TTN: variants seen among roughly 807,000 people sequenced by gnomAD.
TTN encodes connectin.
Under a neutral mutation model 3,223.0 loss-of-function variants are expected in TTN, and 1,525 were observed. The ratio of observed to expected loss-of-function variants is 0.47; its 90% confidence interval spans 0.45 to 0.49. The LOEUF (loss-of-function observed/expected upper bound fraction) is 0.49. TTN is among the 20% of genes least tolerant of loss of function. The pLI is 0.00. For synonymous variants in TTN, 14,094 were observed against 15,161.0 expected (o/e 0.93, Z 5.17); for missense variants, 40,786 against 43,424.0 (o/e 0.94, Z 5.40).
chr2:178,566,993 A>G lies in TTN; in HGVS notation c.79139T>C (p.Met26380Thr). ...TCCAGGAAGCACAAATGGATTTTTC[A>G]TTAGTACTGGTGCAGATTCCAAAGG... ...GEPLESAPVL[M>T]KNPFVLPGPP... Residue 26380 changes from methionine to threonine, a missense_variant, in exon 326 of 363, where the codon ATG becomes ACG. Physicochemically the swap from Met to Thr is moderately conservative, Grantham distance 81. Transcript: ENST00000589042. 1 of 1,613,610 alleles carries G rather than the reference A, an allele frequency of 6.2e-7. No individual in the cohort carries two copies. The highest frequency in any genetic ancestry group is 8.5e-7 in the Non-Finnish European group (1 of 1,179,654).
intron 46 of TTN, among the ~76,000 whole-genome samples, chr2:178,754,769 C>T (rs530659891): frequency 1.6e-4 from 25 of 152,300 alleles, no homozygotes; most frequent in Admixed American, 8.5e-4. Flanking sequence ...AACTAGACCT[C>T]AGTTCTTGAG....
intron 330 of TTN, 32 bp from the exon 331 acceptor site, chr2:178,555,184 ATAT>A: frequency 1.9e-6 from 3 of 1,582,622 alleles, no homozygotes; most frequent in South Asian, 2.4e-5. Flanking sequence ...AATATTTAAA[ATAT>A]TATAAGGATG....
In TTN at chr2:178,611,445, C is replaced by T. The variant is rs746259990; in HGVS notation, c.50784G>A (p.Val16928=). The T allele has an allele frequency of 1.2e-6, 2 of 1,612,906 alleles. No individual in the cohort carries two copies. The highest frequency in any genetic ancestry group is 8.5e-7 in the Non-Finnish European group (1 of 1,179,296). Residue 16928 remains valine, a synonymous_variant, in exon 269 of 363, where the codon GTG becomes GTA. Coordinates refer to ENST00000589042, the MANE Select transcript of TTN (RefSeq NM_001267550.2). ...TGACACCAATAGCATTGACTGCTCTCACTCTCAGGACATATTCTTTGTCAG... is the reference window on the plus strand; with the variant it reads ...TGACACCAATAGCATTGACTGCTCTTACTCTCAGGACATATTCTTTGTCAG... ...VVPDKEYVLR[V]RAVNAIGVSE... is the part of the protein sequence containing the mutation.
At chr2:178,684,610 G>T in intron 131 of TTN, 56 bp downstream of exon 131, 1 of 1,543,798 alleles carries the variant, frequency 6.5e-7, no homozygotes, top group South Asian at 1.2e-5. Flanking sequence ...CAGCAGCAGA[G>T]AGAAAGAAAG....
intron 218 of TTN, 100 bp from the exon 219 acceptor site, chr2:178,642,417 T>G (rs1365418268): frequency 1.0e-6 from 1 of 987,396 alleles, no homozygotes; most frequent in East Asian, 2.7e-5. Context: ...TGTAGTGCAT[T>G]AAGTAACAAT....
rs1360957975 is a variant in TTN, at chr2:178,641,302, T to C, written c.40572A>G (p.Arg13524=). 1.3e-5 allele frequency: 20 copies of C among 1,500,014 alleles called. No individual in the cohort carries two copies. The highest frequency in any genetic ancestry group is 1.8e-5 in the Non-Finnish European group (20 of 1,123,158). The allele number at this position is 1,500,014 out of a possible 1,614,324, so 92.9% of individuals were successfully genotyped here. ...EVVLKSVLRK[R]PEEEEPKVEP... is the part of the protein sequence containing the mutation. Reference sequence around the variant, plus strand: ...CTACTTTAGGTTCTTCTTCTTCAGGTCTTTTTCTTAGAACTTTAAAGACAA... The same window carrying C: ...CTACTTTAGGTTCTTCTTCTTCAGGCCTTTTTCTTAGAACTTTAAAGACAA... Residue 13524 remains arginine (R), a synonymous_variant, in exon 220 of 363, where the codon AGA becomes AGG. Transcript: ENST00000589042.
chr2:178,539,201 T>G lies in TTN; in HGVS notation c.98734A>C (p.Ser32912Arg). Residue 32912 changes from serine (S) to arginine (R), a missense_variant, in exon 353 of 363, where the codon AGT becomes CGT. Ser to Arg is a moderately radical substitution (Grantham distance 110, BLOSUM62 -1). Coordinates refer to ENST00000589042, the MANE Select transcript of TTN (RefSeq NM_001267550.2). ...CGGGACCAGGACAAGCTAACAGAAC[T>G]CTTGGTTACATCGAGTACTTCTGGA... Reference protein sequence around the residue: ...NPPEVLDVTKSSVSLSWSRPK... With the variant: ...NPPEVLDVTKRSVSLSWSRPK... 6.2e-7 allele frequency: 1 copy of G among 1,613,794 alleles called. No homozygotes were observed. The highest frequency in any genetic ancestry group is 1.1e-5 in the South Asian group (1 of 91,070).
At chr2:178,579,464 C>G in intron 319 of TTN, 71 bp from the exon 320 acceptor site, 1 of 1,568,748 alleles carries the variant, frequency 6.4e-7, no homozygotes, top group African/African-American at 1.4e-5. Flanking sequence ...ATAGTTCTAG[C>G]TTTTAACGGA....
At chr2:178,747,431 G>A (rs1236164406) in intron 47 of TTN, 1 of 1,613,204 alleles carries the variant, frequency 6.2e-7, no homozygotes, top group Non-Finnish European at 8.5e-7. Flanking sequence ...AGATGATGGT[G>A]GGGTATAAAA....
At chr2:178,789,607 T>A (rs1260227154) in intron 12 of TTN, 110 bp from the exon 13 acceptor site, 3 of 1,396,088 alleles carry the variant, frequency 2.1e-6, no homozygotes, top group African/African-American at 1.4e-5. Context: ...CAGGGTTAAA[T>A]ACACAAGAGA....
Position 178,667,338 on chromosome 2 carries a change from G to A in TTN, c.35714-19C>T. ...TCAGGTTCTTTAAAGATATTAGTAG[G>A]TTTACATTTAAAAGTTGTAAAAACA... On this transcript the variant is annotated intron_variant, in intron 161 of 362. Transcript: ENST00000589042. The A allele has an allele frequency of 6.3e-7, 1 of 1,585,166 alleles. No individual in the cohort carries two copies.
In TTN at chr2:178,584,262, A is replaced by C. The variant is rs1291102348; in HGVS notation, c.65275+14T>G. On this transcript the variant is annotated intron_variant, in intron 311 of 362. Coordinates refer to ENST00000589042, the MANE Select transcript of TTN (RefSeq NM_001267550.2). ...CTAAAACAACAACAACAATAAAAAA[A>C]CCCCAAAACTTACCAACTGGCATTC... 2.0e-6 allele frequency: 3 copies of C among 1,532,868 alleles called. No individual in the cohort carries two copies. The highest frequency in any genetic ancestry group is 2.6e-6 in the Non-Finnish European group (3 of 1,143,572). The allele number at this position is 1,532,868 out of a possible 1,614,324, so 95.0% of individuals were successfully genotyped here. A position where few individuals can be genotyped will look rare whatever the true frequency, so the allele number is the denominator to read the frequency against.
Position 178,739,404 on chromosome 2 carries a change from G to A in TTN, c.13829C>T (p.Thr4610Ile). The A allele has an allele frequency of 1.2e-6, 2 of 1,613,864 alleles. No individual in the cohort carries two copies. The highest frequency in any genetic ancestry group is 2.2e-5 in the East Asian group (1 of 44,856). The change falls in exon 48 of 363, where the codon ACA becomes ATA. Residue 4610 changes from threonine to isoleucine, a missense_variant. Coordinates refer to ENST00000589042, the MANE Select transcript of TTN (RefSeq NM_001267550.2). The part of the protein sequence containing the change: ...LIKEDGPMIH[T>I]PLVDTVSEEG... ...CTCAGAAACAGTGTCCACTAAAGGT[G>A]TATGTATCATGGGGCCATCCTCTTT...
chr2:178,531,061 G>T lies in TTN; in HGVS notation c.105554C>A (p.Thr35185Asn). Residue 35185 changes from threonine to asparagine, a missense_variant, in exon 358 of 363, where the codon ACC (threonine) becomes AAC (asparagine). Thr to Asn is a moderately conservative substitution (Grantham distance 65, BLOSUM62 0). Coordinates refer to ENST00000589042, the MANE Select transcript of TTN (RefSeq NM_001267550.2). ...HQVTTTKYKS[T>N]FEISSVQASD... ...AGCCTGGACTGAAGAGATCTCAAAG[G>T]TTGATTTGTACTTTGTGGTGGTCAC... The T allele has an allele frequency of 6.2e-7, 1 of 1,613,974 alleles. No individual in the cohort carries two copies. The highest frequency in any genetic ancestry group is 1.1e-5 in the South Asian group (1 of 91,084).
rs1293013607 is a variant in TTN, at chr2:178,630,271, C to T, written c.44251G>A (p.Val14751Ile). The T allele has an allele frequency of 3.1e-6, 5 of 1,613,192 alleles. No individual in the cohort carries two copies. Among genetic ancestry groups the T allele is most frequent in the African/African-American group, 1.3e-5 (1 of 74,980 alleles). Residue 14751 changes from valine to isoleucine, a missense_variant, in exon 239 of 363, where the codon GTT (valine) becomes ATT (isoleucine). By Grantham distance (29) the Val-to-Ile change is conservative. Transcript: ENST00000589042. ...ACTCGGAGGTGGGCACTAGATTTAA[C>T]ATTGGCAGCTTGGAAATCCACCCCA... ...TGGVDFQAAN[V>I]KSSAHLRVKP...
chr2:178,565,280 G>T lies in TTN; in HGVS notation c.80852C>A (p.Thr26951Asn). Reference protein sequence around the residue: ...EGNKDDFGKYTVTATNSAGTA... With the variant: ...EGNKDDFGKYNVTATNSAGTA... Reference sequence around the variant, plus strand: ...GCCTGCACTATTTGTTGCCGTTACGGTGTATTTTCCAAAGTCATCTTTGTT... The same window carrying T: ...GCCTGCACTATTTGTTGCCGTTACGTTGTATTTTCCAAAGTCATCTTTGTT... The change falls in exon 326 of 363, where the codon ACC becomes AAC. Residue 26951 changes from threonine (T) to asparagine (N), a missense_variant. By Grantham distance (65) the Thr-to-Asn change is moderately conservative. Transcript: ENST00000589042. 6.2e-7 allele frequency: 1 copy of T among 1,613,608 alleles called. No homozygotes were observed. Among genetic ancestry groups the T allele is most frequent in the Non-Finnish European group, 8.5e-7 (1 of 1,179,676 alleles).
Position 178,595,890 on chromosome 2 carries a change from C to T in TTN, c.57545-81G>A, listed in dbSNP as rs901847528. On this transcript the variant is annotated intron_variant, in intron 294 of 362. Coordinates refer to ENST00000589042, the MANE Select transcript of TTN (RefSeq NM_001267550.2). The stretch of plus-strand genomic sequence containing the variant: ...CAACACTTGTTTTTTTAAAAGGAGA[C>T]AAAAATGTTGTTTTGAAGAAAGTAA... 4.5e-5 allele frequency: 61 copies of T among 1,360,278 alleles called. 1 individual carries two copies. Among genetic ancestry groups the T allele is most frequent in the African/African-American group, 1.1e-4 (7 of 66,224 alleles). 84.3% of individuals were successfully genotyped at this position (1,360,278 alleles called of 1,614,324 possible).
chr2:178,540,412 A>G (rs1449979959), intron 350 of TTN, 42 bp from the exon 351 acceptor site: 5 of 1,512,710 alleles, frequency 3.3e-6, no homozygotes, highest in African/African-American at 1.4e-5. Context: ...AGTTGCTGCA[A>G]AGTTGAAAAT....
chr2:178,548,641 G>C lies in TTN; in HGVS notation c.92985C>G (p.Thr30995=), dbSNP rs1698156351. The C allele has an allele frequency of 6.2e-6, 10 of 1,613,816 alleles. No homozygotes were observed. Among genetic ancestry groups the C allele is most frequent in the Non-Finnish European group, 8.5e-6 (10 of 1,179,782 alleles). ...TACCACTGTTGTTTTCCACAGTAAGGGTATATTTCCCTGCATCATTTCTGT... is the reference window on the plus strand; with the variant it reads ...TACCACTGTTGTTTTCCACAGTAAGCGTATATTTCCCTGCATCATTTCTGT... The part of the protein sequence containing the change: ...NCNRNDAGKY[T]LTVENNSGSK... The change falls in exon 339 of 363, where the codon ACC becomes ACG. Residue 30995 remains threonine (T), a synonymous_variant. Coordinates refer to ENST00000589042, the MANE Select transcript of TTN (RefSeq NM_001267550.2). The surrounding 1 kb of genome is among the most constrained non-coding windows in gnomAD (Gnocchi z 4.3).
Sources: gnomAD v4.1 joint callset for allele counts (sites outside exome capture counted in the v4.1 genomes callset) on GRCh38, gnomAD v4.1.1 for gene constraint, Gnocchi (gnomAD v3.1) non-coding constraint, MANE v1.5 for transcripts, NCBI Gene and HGNC (gene_info 2026-07-23, HGNC 2026-07-21) for gene names.